The following ZFYVE26 variants were observed in gnomAD, a reference collection of about 807,000 sequenced individuals.
The protein encoded by ZFYVE26 is zinc finger FYVE domain-containing protein 26.
In ZFYVE26, 181 loss-of-function variants were observed where a neutral mutation model predicts 276.5. That is an observed-to-expected ratio of 0.65 (90% CI 0.58 to 0.74). The LOEUF (loss-of-function observed/expected upper bound fraction) is 0.74, where lower values mean the gene tolerates loss of function less well. ZFYVE26 is among the 30% of genes least tolerant of loss of function. The pLI is 0.00. For synonymous variants in ZFYVE26, 1,129 were observed against 1,203.1 expected (o/e 0.94, Z 1.27); for missense variants, 2,821 against 3,097.9 (o/e 0.91, Z 2.12).
Position 67,815,451 on chromosome 14 carries a change from G to T in ZFYVE26, c.194+319C>A. 3 of 385,008 alleles carry T rather than the reference G, an allele frequency of 7.8e-6. No individual in the cohort carries two copies. In the South Asian group the frequency reaches 8.1e-5, roughly 10 times the overall value. The allele number at this position is 385,008 out of a possible 1,614,324, so 23.8% of individuals were successfully genotyped here. On this transcript the variant is annotated intron_variant, in intron 2 of 41. Transcript: ENST00000347230. The stretch of plus-strand genomic sequence containing the variant: ...ATCTCATAAGCAAGAAGAGAGCAGG[G>T]TTTGCTTTTTTGGAGGCAAAGAAAA...
At chr14:67,815,501 C>G in intron 2 of ZFYVE26, 2 of 512,922 alleles carry the variant, frequency 3.9e-6, no homozygotes, top group Non-Finnish European at 7.1e-6. Flanking sequence ...GTTCCACCAT[C>G]TATATTAACG....
rs1465937202 is a variant in ZFYVE26 at position 67,805,280 on chromosome 14, C to T, written c.1208G>A (p.Arg403Lys). The T allele has an allele frequency of 1.2e-6, 2 of 1,614,148 alleles. No individual in the cohort carries two copies. Among genetic ancestry groups the T allele is most frequent in the Admixed American group, 1.7e-5 (1 of 60,012 alleles). Residue 403 changes from arginine (R) to lysine (K), a missense_variant, in exon 8 of 42, where the codon AGG (arginine) becomes AAG (lysine). Transcript: ENST00000347230. ...TQGPGCDELL[R>K]DACDGLWAHL... Reference sequence around the variant, plus strand: ...AGCCCACAACCCATCACAGGCATCCCTGAGGAGCTCATCACAGCCTGGGCC... The same window carrying T: ...AGCCCACAACCCATCACAGGCATCCTTGAGGAGCTCATCACAGCCTGGGCC...
At position 67,772,053 on chromosome 14, in the gene ZFYVE26, G is replaced by A. The variant is rs759552463; in HGVS notation, c.5478C>T (p.Phe1826=). 1.2e-6 allele frequency: 2 copies of A among 1,610,996 alleles called. No homozygotes were observed. The highest frequency in any genetic ancestry group is 4.5e-5 in the East Asian group (2 of 44,848). The change falls in exon 28 of 42, where the codon TTC becomes TTT. Residue 1826 remains phenylalanine, a synonymous_variant. Coordinates refer to ENST00000347230, the MANE Select transcript of ZFYVE26 (RefSeq NM_015346.4). Reference sequence around the variant, plus strand: ...GGAGACCGATGCTGCTTACCATGGTGAAGTGCTCCCTGCAGCAGACCATGC... The same window carrying A: ...GGAGACCGATGCTGCTTACCATGGTAAAGTGCTCCCTGCAGCAGACCATGC... ...SICMVCCREH[F]TMFNRRHHCR...
chr14:67,789,703 A>G (rs1353977596), intron 15 of ZFYVE26, 105 bp from the exon 16 acceptor site: 6 of 1,442,836 alleles, frequency 4.2e-6, no homozygotes, highest in Non-Finnish European at 5.8e-6. Flanking sequence ...GTTCATCTGC[A>G]CAGGGTATCT....
intron 2 of ZFYVE26, among the ~76,000 whole-genome samples, chr14:67,814,711 TA>T (rs1566901794): frequency 6.6e-6 from 1 of 152,220 alleles, no homozygotes; most frequent in African/African-American, 2.4e-5. Context: ...CAGACAGTCT[TA>T]AAAAAGGAAC....
chr14:67,753,214 G>A (rs758581622), intron 39 of ZFYVE26, among the ~76,000 whole-genome samples: 5 of 152,224 alleles, frequency 3.3e-5, no homozygotes, highest in African/African-American at 4.8e-5. Flanking sequence ...TGGTGGGCAG[G>A]TCTGAAGAGA....
In ZFYVE26 at chr14:67,772,154, G is replaced by C. The variant is rs2039227820; in HGVS notation, c.5377C>G (p.Pro1793Ala). 1 of 1,613,368 alleles carries C rather than the reference G, an allele frequency of 6.2e-7. No homozygotes were observed. Residue 1793 changes from proline (P) to alanine (A), a missense_variant, in exon 28 of 42, where the codon CCC becomes GCC. Pro to Ala is a conservative substitution (Grantham distance 27). Coordinates refer to ENST00000347230, the MANE Select transcript of ZFYVE26 (RefSeq NM_015346.4). ...LRERSFPPTQ[P>A]SQEFVPPATP... Reference sequence around the variant, plus strand: ...GCTGGGGGCACAAATTCCTGTGAGGGCTGGGTTGGTGGGAAACTCCTTTCC... The same window carrying C: ...GCTGGGGGCACAAATTCCTGTGAGGCCTGGGTTGGTGGGAAACTCCTTTCC...
chr14:67,762,361 T>TGCCCCAAGCATGCCAC lies in ZFYVE26; in HGVS notation c.6195_6210dup (p.Met2071ValfsTer30). On this transcript the variant is annotated frameshift_variant, in exon 34 of 42. Transcript: ENST00000347230. LOFTEE classifies it high-confidence loss of function. ...AGGTTCCCGGCTTTGAGGCAGGCCATGCCCCAAGCATGCCACGCCCCGGTG... is the reference window on the plus strand; with the variant it reads ...AGGTTCCCGGCTTTGAGGCAGGCCATGCCCCAAGCATGCCACGCCCCAAGCATGCCACGCCCCGGTG... The TGCCCCAAGCATGCCAC allele has an allele frequency of 6.2e-7, 1 of 1,614,202 alleles. No homozygotes were observed. Among genetic ancestry groups the TGCCCCAAGCATGCCAC allele is most frequent in the Admixed American group, 1.7e-5 (1 of 60,026 alleles).
intron 27 of ZFYVE26, 51 bp from the exon 28 acceptor site, chr14:67,772,261 T>A: frequency 6.3e-7 from 1 of 1,575,434 alleles, no homozygotes; most frequent in Non-Finnish European, 8.7e-7. Context: ...TATACCAGCT[T>A]ATAGATGAAG....
chr14:67,759,062 A>T (rs944425102), intron 35 of ZFYVE26, among the ~76,000 whole-genome samples: 4 of 142,796 alleles, frequency 2.8e-5, no homozygotes, highest in African/African-American at 7.9e-5. Flanking sequence ...ACATGGTGAA[A>T]CCCCGTCTCT....
chr14:67,744,983 C>T (rs1014422611), downstream of ZFYVE26, among the ~76,000 whole-genome samples: 2 of 152,248 alleles, frequency 1.3e-5, no homozygotes, highest in South Asian at 2.1e-4. Context: ...CTTAAGGAAT[C>T]GCCACACTGT....
At position 67,769,689 on chromosome 14, in the gene ZFYVE26, C is replaced by T; in HGVS notation, c.5526G>A (p.Val1842=). ...TTTTCTTAGTGGAGCAGGAGCTGCA[C>T]ACTAGCCGGCCACAGCGGCGACAAT... ...RHHCRRCGRL[V]CSSCSTKKMV... is the part of the protein sequence containing the mutation. Residue 1842 remains valine (V), a synonymous_variant, in exon 29 of 42, where the codon GTG becomes GTA. Coordinates refer to ENST00000347230, the MANE Select transcript of ZFYVE26 (RefSeq NM_015346.4). The T allele has an allele frequency of 1.9e-6, 3 of 1,614,136 alleles. No homozygotes were observed. The highest frequency in any genetic ancestry group is 1.1e-5 in the South Asian group (1 of 91,074).
At chr14:67,760,214 T>C (rs1466395206) in intron 35 of ZFYVE26, among the ~76,000 whole-genome samples, 2 of 152,198 alleles carry the variant, frequency 1.3e-5, no homozygotes, top group East Asian at 3.8e-4. Flanking sequence ...TCTTTACTGC[T>C]AAACTCATCT....
At chr14:67,814,520 AAAAC>A (rs201267729) in intron 2 of ZFYVE26, among the ~76,000 whole-genome samples, 8,535 of 151,082 alleles carry the variant, frequency 0.056, 358 homozygotes, top group African/African-American at 0.12. Context: ...CTCTGTCTCC[AAAAC>A]AAACAAACAA....
At position 67,807,303 on chromosome 14, in the gene ZFYVE26, C is replaced by G. The variant is rs181572; in HGVS notation, c.886+95G>C. On this transcript the variant is annotated intron_variant, in intron 5 of 41. Coordinates refer to ENST00000347230, the MANE Select transcript of ZFYVE26 (RefSeq NM_015346.4). ...TGCTTAGCCTCCCCTATTAGATGTC[C>G]TGAGCCACACGGAAGGCAGCAGTCT... 0.64 allele frequency: 994,319 copies of G among 1,556,032 alleles called. 322,622 individuals carry two copies. The highest frequency in any genetic ancestry group is 0.84 in the East Asian group (37,597 of 44,512).
intron 35 of ZFYVE26, among the ~76,000 whole-genome samples, chr14:67,757,564 C>A (rs2038810140): frequency 6.6e-6 from 1 of 152,184 alleles, no homozygotes; most frequent in African/African-American, 2.4e-5. Flanking sequence ...TTTTCTTCTT[C>A]TTATTCATCA....
At chr14:67,743,922 T>C (rs1470241063), downstream of ZFYVE26, among the ~76,000 whole-genome samples, 1 of 151,856 alleles carries the variant, frequency 6.6e-6, no homozygotes, top group Admixed American at 6.6e-5. Flanking sequence ...GAGGGTAGGG[T>C]AGAGGAGGTG....
chr14:67,748,611 A>G lies in ZFYVE26; in HGVS notation c.7445T>C (p.Leu2482Pro), dbSNP rs2038551042. The G allele has an allele frequency of 6.2e-7, 1 of 1,614,142 alleles. No individual in the cohort carries two copies. The highest frequency in any genetic ancestry group is 1.3e-5 in the African/African-American group (1 of 75,074). Reference protein sequence around the residue: ...KVRAYLICCKLRSAYLIAVKQ... With the variant: ...KVRAYLICCKPRSAYLIAVKQ... ...CACAGCAATCAAGTAGGCAGAACGC[A>G]GTTTGCAACATATCAGGTAGGCCCG... The change falls in exon 42 of 42, where the codon CTG becomes CCG. Residue 2482 changes from leucine (L) to proline (P), a missense_variant. Leu to Pro is a moderately conservative substitution (Grantham distance 98). Coordinates refer to ENST00000347230, the MANE Select transcript of ZFYVE26 (RefSeq NM_015346.4).
At chr14:67,733,530 C>A (rs2038312760) in intron 13 of ZFYVE26, among the ~76,000 whole-genome samples, 1 of 152,114 alleles carries the variant, frequency 6.6e-6, no homozygotes, top group African/African-American at 2.4e-5. Flanking sequence ...GGTACTAGAT[C>A]TTGTTATAGA....
Sources: gnomAD v4.1 joint callset for allele counts (sites outside exome capture counted in the v4.1 genomes callset) on GRCh38, gnomAD v4.1.1 for gene constraint, MANE v1.5 for transcripts, NCBI Gene and HGNC (gene_info 2026-07-23, HGNC 2026-07-21) for gene names.